The following USP53 variants were observed in gnomAD, a reference collection of about 807,000 sequenced individuals.
USP53 encodes ubiquitin specific peptidase 53.
In USP53, 71 loss-of-function variants were observed where a neutral mutation model predicts 94.9. The observed-to-expected ratio is 0.75, with a 90% CI of 0.62 to 0.91. The LOEUF (loss-of-function observed/expected upper bound fraction) is 0.91, where lower values mean the gene tolerates loss of function less well. Among genes scored for constraint, USP53 ranks in the 40% least tolerant of loss-of-function variants. The pLI, the probability that USP53 is intolerant of heterozygous loss-of-function variation, is 0.00. For synonymous variants in USP53, 375 were observed against 422.7 expected (o/e 0.89, Z 1.39); for missense variants, 1,173 against 1,281.0 (o/e 0.92, Z 1.29).
At chr4:119,230,617 G>A (rs1389999585) in intron 3 of USP53, among the ~76,000 whole-genome samples, 1 of 152,180 alleles carries the variant, frequency 6.6e-6, no homozygotes, top group Non-Finnish European at 1.5e-5. Context: ...TTCTCTAGGA[G>A]AGTCCTGACC....
intron 2 of USP53, among the ~76,000 whole-genome samples, chr4:119,215,293 A>G (rs1743564585): frequency 6.6e-6 from 1 of 152,198 alleles, no homozygotes; most frequent in Non-Finnish European, 1.5e-5. Context: ...AAAATTTTGC[A>G]TTATGGTATT....
chr4:119,224,002 T>C (rs1286664364), intron 3 of USP53, among the ~76,000 whole-genome samples: 1 of 152,172 alleles, frequency 6.6e-6, no homozygotes, highest in East Asian at 1.9e-4. Context: ...TTTTTATGTA[T>C]TTTATTTTAT....
chr4:119,260,409 C>A, intron 10 of USP53, 98 bp from the exon 11 acceptor site: 1 of 987,886 alleles, frequency 1.0e-6, no homozygotes, highest in Non-Finnish European at 1.4e-6. Flanking sequence ...GAATAAATTG[C>A]AGATATGTGT....
intron 4 of USP53, among the ~76,000 whole-genome samples, chr4:119,238,499 C>T (rs765533144): frequency 5.3e-5 from 8 of 152,114 alleles, no homozygotes; most frequent in Non-Finnish European, 7.4e-5. Context: ...GATAACTTAT[C>T]ACAGATCAGC....
intron 5 of USP53, among the ~76,000 whole-genome samples, chr4:119,240,935 A>C (rs867298199): frequency 3.3e-5 from 5 of 152,342 alleles, no homozygotes; most frequent in Middle Eastern, 3.4e-3. Context: ...TGACAAATGC[A>C]GAAAAATATT....
intron 12 of USP53, among the ~76,000 whole-genome samples, chr4:119,264,579 G>GA (rs1043966336): frequency 6.6e-6 from 1 of 152,136 alleles, no homozygotes; most frequent in African/African-American, 2.4e-5. Flanking sequence ...CCCTTGAAAT[G>GA]ATATTCAGTA....
Position 119,233,690 on chromosome 4 carries a change from ATTATG to A in USP53, c.-664-1597_-664-1593del, listed in dbSNP as rs1720615125. Among the ~76,000 whole-genome samples, 4 of 152,178 alleles carry A rather than the reference ATTATG, an allele frequency of 2.6e-5. No individual in the cohort carries two copies. The South Asian group carries it at 8.3e-4, about 32-fold the overall frequency. On this transcript the variant is annotated intron_variant, in intron 3 of 18. Transcript: ENST00000692078. The stretch of plus-strand genomic sequence containing the variant: ...CTATACATATCTTCAATTGGTGAAT[ATTATG>A]TTTGTTTTAAATTTGTGGTCTCTTT...
intron 17 of USP53, among the ~76,000 whole-genome samples, chr4:119,282,137 G>A (rs1423700448): frequency 5.3e-5 from 8 of 152,080 alleles, no homozygotes; most frequent in African/African-American, 1.7e-4. Context: ...TGTTGTAGAT[G>A]TATCAGAATC....
At chr4:119,286,997 A>G (rs1398449056) in intron 17 of USP53, among the ~76,000 whole-genome samples, 1 of 152,076 alleles carries the variant, frequency 6.6e-6, no homozygotes, top group Non-Finnish European at 1.5e-5. Flanking sequence ...TTATGAGTAT[A>G]GCACTTATAG....
Position 119,292,564 on chromosome 4 carries a change from C to T in USP53, c.2575C>T (p.Pro859Ser). ...ASGKRVNSNE[P>S]SSLWSSHLRT... is the part of the protein sequence containing the mutation. Reference sequence around the variant, plus strand: ...TGGGAAGAGAGTGAACAGTAATGAACCATCTTCATTATGGTCTTCACACCT... The same window carrying T: ...TGGGAAGAGAGTGAACAGTAATGAATCATCTTCATTATGGTCTTCACACCT... The change falls in exon 19 of 19, where the codon CCA becomes TCA. Residue 859 changes from proline to serine, a missense_variant. Pro to Ser is a moderately conservative substitution (Grantham distance 74). Coordinates refer to ENST00000692078, the MANE Select transcript of USP53 (RefSeq NM_001371395.1). 6.2e-7 allele frequency: 1 copy of T among 1,613,978 alleles called. No homozygotes were observed. The highest frequency in any genetic ancestry group is 8.5e-7 in the Non-Finnish European group (1 of 1,179,908).
chr4:119,260,757 A>C, intron 11 of USP53, 104 bp downstream of exon 11: 1 of 1,341,234 alleles, frequency 7.5e-7, no homozygotes, highest in Non-Finnish European at 1.0e-6. Flanking sequence ...AATCAGGCTA[A>C]CTGGAATGCC....
At chr4:119,232,406 C>G (rs567353682) in intron 3 of USP53, among the ~76,000 whole-genome samples, 1 of 152,294 alleles carries the variant, frequency 6.6e-6, no homozygotes, top group East Asian at 1.9e-4. Context: ...TCTTTTGTGA[C>G]TGACTTCTTA....
chr4:119,233,466 T>A (rs780128789), intron 3 of USP53, among the ~76,000 whole-genome samples: 7 of 152,154 alleles, frequency 4.6e-5, no homozygotes, highest in Non-Finnish European at 1.0e-4. Flanking sequence ...TCTGAGAATC[T>A]TATTAGATAT....
At chr4:119,224,256 C>G (rs1210451129) in intron 3 of USP53, among the ~76,000 whole-genome samples, 1 of 152,198 alleles carries the variant, frequency 6.6e-6, no homozygotes, top group South Asian at 2.1e-4. Context: ...CCTTGGCCTC[C>G]CAAAGTGTTG....
chr4:119,267,421 T>C lies in USP53; in HGVS notation c.1074T>C (p.Thr358=). ...ACCCAGATGGCACAGCAGTTTCTACTGAGGATGCACTCAGGCAGGTCATCA... is the reference window on the plus strand; with the variant it reads ...ACCCAGATGGCACAGCAGTTTCTACCGAGGATGCACTCAGGCAGGTCATCA... The part of the protein sequence containing the change: ...YANPDGTAVS[T]EDALRQVISW... Residue 358 remains threonine (T), a synonymous_variant, in exon 13 of 19, where the codon ACT becomes ACC. Coordinates refer to ENST00000692078, the MANE Select transcript of USP53 (RefSeq NM_001371395.1). 1 of 1,614,184 alleles carries C rather than the reference T, an allele frequency of 6.2e-7. No homozygotes were observed.
intron 11 of USP53, among the ~76,000 whole-genome samples, chr4:119,261,447 T>G (rs1750509531): frequency 6.6e-6 from 1 of 152,240 alleles, no homozygotes; most frequent in Admixed American, 6.5e-5. Flanking sequence ...AAAGTGTCAG[T>G]CATGTGTCAT....
chr4:119,267,429 C>G lies in USP53; in HGVS notation c.1082C>G (p.Ala361Gly), dbSNP rs201355187. The G allele has an allele frequency of 3.8e-4, 610 of 1,614,046 alleles. 6 individuals are homozygous for G. In the South Asian group the frequency reaches 5.3e-3, roughly 14 times the overall value. Reference protein sequence around the residue: ...PDGTAVSTEDALRQVISWSHY... With the variant: ...PDGTAVSTEDGLRQVISWSHY... Reference sequence around the variant, plus strand: ...GGCACAGCAGTTTCTACTGAGGATGCACTCAGGCAGGTCATCAGCTGGTCA... The same window carrying G: ...GGCACAGCAGTTTCTACTGAGGATGGACTCAGGCAGGTCATCAGCTGGTCA... The change falls in exon 13 of 19, where the codon GCA becomes GGA. Residue 361 changes from alanine (A) to glycine (G), a missense_variant. By Grantham distance (60) the Ala-to-Gly change is moderately conservative (BLOSUM62 0). Coordinates refer to ENST00000692078, the MANE Select transcript of USP53 (RefSeq NM_001371395.1).
Position 119,269,796 on chromosome 4 carries a change from AT to A in USP53, c.1397del (p.Leu466Ter). On this transcript the variant is annotated frameshift_variant, in exon 15 of 19. Transcript: ENST00000692078. LOFTEE classifies it high-confidence loss of function. ...QKNLLSSQRK[D>X]LEKGQRKDLG... ...AACTTACTTTCTTCACAAAGGAAAG[AT>A]TTAGAGAAGGGACAAAGAAAAGATT... The A allele has an allele frequency of 6.5e-7, 1 of 1,527,632 alleles. No homozygotes were observed. Among genetic ancestry groups the A allele is most frequent in the Non-Finnish European group, 8.8e-7 (1 of 1,138,958 alleles). 94.6% of individuals were successfully genotyped at this position (1,527,632 alleles called of 1,614,324 possible).
intron 5 of USP53, among the ~76,000 whole-genome samples, chr4:119,244,826 C>T (rs964297869): frequency 1.3e-5 from 2 of 152,136 alleles, no homozygotes; most frequent in Non-Finnish European, 2.9e-5. Flanking sequence ...ACCCCCATTA[C>T]CACACAGGCC....
Sources: allele counts gnomAD v4.1 joint callset (sites outside exome capture counted in the v4.1 genomes callset), GRCh38; gene constraint gnomAD v4.1.1; transcripts MANE v1.5; gene names NCBI Gene and HGNC (gene_info 2026-07-23, HGNC 2026-07-21).